The following FRAS1 variants were observed in gnomAD, a reference collection of about 807,000 sequenced individuals.
FRAS1 encodes the protein extracellular matrix organizing protein FRAS1.
A neutral mutation model predicts 435.2 loss-of-function variants in FRAS1; 290 were observed. The observed-to-expected ratio is 0.67, with a 90% CI of 0.61 to 0.73. FRAS1 has a LOEUF of 0.73. FRAS1 is among the 30% of genes least tolerant of loss of function. The pLI is 0.00. For synonymous variants in FRAS1, 1,800 were observed against 1,851.0 expected (o/e 0.97, Z 0.71); for missense variants, 4,860 against 5,001.5 (o/e 0.97, Z 0.85).
At chr4:78,128,550 T>C (rs1719505034) in intron 2 of FRAS1, among the ~76,000 whole-genome samples, 1 of 152,234 alleles carries the variant, frequency 6.6e-6, no homozygotes, top group South Asian at 2.1e-4. Flanking sequence ...ATAAATGTCT[T>C]CTTTTTGAGA....
chr4:78,198,912 A>G (rs1722935986), intron 2 of FRAS1, among the ~76,000 whole-genome samples: 1 of 152,210 alleles, frequency 6.6e-6, no homozygotes, highest in Non-Finnish European at 1.5e-5. Flanking sequence ...TACATATAAC[A>G]TACAAAACAT....
At position 78,511,355 on chromosome 4, in the gene FRAS1, AC is replaced by A. The variant is rs1721031905; in HGVS notation, c.9867del (p.Leu3290Ter). On this transcript the variant is annotated frameshift_variant, in exon 64 of 74. Coordinates refer to ENST00000512123, the MANE Select transcript of FRAS1 (RefSeq NM_025074.7). LOFTEE classifies it high-confidence loss of function. The part of the protein sequence containing the change: ...KAVDKVGHVG[T>X]PLRSNIVTIG... ...TGTGGACAAGGTGGGCCATGTGGGG[AC>A]CCCCTTAAGGAGCAACATTGTTACC... 1 of 1,613,276 alleles carries A rather than the reference AC, an allele frequency of 6.2e-7. No individual in the cohort carries two copies. The highest frequency in any genetic ancestry group is 8.5e-7 in the Non-Finnish European group (1 of 1,179,724).
At chr4:78,333,523 G>A (rs1730030054) in intron 19 of FRAS1, 111 bp downstream of exon 19, 3 of 1,138,360 alleles carry the variant, frequency 2.6e-6, no homozygotes, top group African/African-American at 1.6e-5. Flanking sequence ...AGATTCAGCT[G>A]TAAATCCTTG....
intron 2 of FRAS1, among the ~76,000 whole-genome samples, chr4:78,115,368 C>G (rs1484630208): frequency 6.6e-6 from 1 of 152,102 alleles, no homozygotes; most frequent in Non-Finnish European, 1.5e-5. Context: ...AGGATTTCCT[C>G]TTTTTCTATT....
intron 20 of FRAS1, among the ~76,000 whole-genome samples, chr4:78,342,203 A>G (rs1314952910): frequency 6.6e-6 from 1 of 152,172 alleles, no homozygotes; most frequent in Non-Finnish European, 1.5e-5. Context: ...CCAGGGTGGT[A>G]GGGTTTCCTC....
At chr4:78,392,981 G>C (rs773153203) in intron 29 of FRAS1, among the ~76,000 whole-genome samples, 3 of 148,302 alleles carry the variant, frequency 2.0e-5, no homozygotes, top group Non-Finnish European at 4.5e-5. Flanking sequence ...TGTTCATCAT[G>C]ATGAGTGGGA....
chr4:78,365,686 G>A (rs1731236104), intron 22 of FRAS1, among the ~76,000 whole-genome samples: 1 of 147,092 alleles, frequency 6.8e-6, no homozygotes. Flanking sequence ...ATTTCATTCT[G>A]AGATTGAAAA....
intron 24 of FRAS1, among the ~76,000 whole-genome samples, chr4:78,373,894 A>G (rs534107960): frequency 6.6e-6 from 1 of 152,304 alleles, no homozygotes; most frequent in African/African-American, 2.4e-5. Context: ...ATAGAGAAGA[A>G]CACAGGCTCA....
At chr4:78,158,734 G>A (rs916628888) in intron 2 of FRAS1, among the ~76,000 whole-genome samples, 1 of 152,098 alleles carries the variant, frequency 6.6e-6, no homozygotes, top group Non-Finnish European at 1.5e-5. Flanking sequence ...TTTGATTTCA[G>A]TTTTTTTGTA....
intron 3 of FRAS1, among the ~76,000 whole-genome samples, chr4:78,243,471 A>G (rs1382184624): frequency 6.6e-6 from 1 of 152,118 alleles, no homozygotes; most frequent in Non-Finnish European, 1.5e-5. Context: ...TGCAGCCCAC[A>G]GCTCACCAAG....
At chr4:78,154,252 A>G (rs1226506042) in intron 2 of FRAS1, among the ~76,000 whole-genome samples, 2 of 152,102 alleles carry the variant, frequency 1.3e-5, no homozygotes, top group African/African-American at 4.8e-5. Flanking sequence ...CACACAGGTA[A>G]TTTGTTACCT....
At chr4:78,387,842 T>G (rs1732282916) in intron 29 of FRAS1, 141 bp downstream of exon 29, 1 of 545,998 alleles carries the variant, frequency 1.8e-6, no homozygotes, top group South Asian at 4.8e-5. Flanking sequence ...TAGAGGGCAC[T>G]ATATATCTAG....
At chr4:78,448,881 G>A (rs113534503) in intron 44 of FRAS1, among the ~76,000 whole-genome samples, 3,941 of 152,296 alleles carry the variant, frequency 0.026, 170 homozygotes, top group African/African-American at 0.09. Context: ...ACAGTTTGCA[G>A]TAGGAAGTTA....
chr4:78,355,527 C>A (rs1419659961), intron 20 of FRAS1, among the ~76,000 whole-genome samples: 4 of 152,142 alleles, frequency 2.6e-5, no homozygotes, highest in Non-Finnish European at 5.9e-5. Context: ...GATACACGCT[C>A]CCTATTTAAA....
intron 3 of FRAS1, among the ~76,000 whole-genome samples, chr4:78,243,872 A>C (rs1413642289): frequency 6.6e-6 from 1 of 152,100 alleles, no homozygotes; most frequent in Non-Finnish European, 1.5e-5. Context: ...GACTATCAAC[A>C]CTTAGATCAT....
intron 2 of FRAS1, among the ~76,000 whole-genome samples, chr4:78,128,822 C>T (rs1008700300): frequency 2.6e-5 from 4 of 152,134 alleles, no homozygotes; most frequent in African/African-American, 9.7e-5. Context: ...GACATGAAGT[C>T]CTTGCCCATG....
chr4:78,374,258 T>C lies in FRAS1; in HGVS notation c.3151+7T>C, dbSNP rs1731665650. On this transcript the variant is annotated splice_region_variant and intron_variant, in intron 25 of 73. Coordinates refer to ENST00000512123, the MANE Select transcript of FRAS1 (RefSeq NM_025074.7). Reference sequence around the variant, plus strand: ...GCAAAGCACAAATGCACAGGTAACTTGGAGACTGCTGATTATTCTGGAAAG... The same window carrying C: ...GCAAAGCACAAATGCACAGGTAACTCGGAGACTGCTGATTATTCTGGAAAG... 6.5e-7 allele frequency: 1 copy of C among 1,550,172 alleles called. No homozygotes were observed. The highest frequency in any genetic ancestry group is 8.8e-7 in the Non-Finnish European group (1 of 1,141,006).
chr4:78,536,458 A>G (rs1323733662), intron 71 of FRAS1, among the ~76,000 whole-genome samples: 1 of 152,148 alleles, frequency 6.6e-6, no homozygotes, highest in Non-Finnish European at 1.5e-5. Flanking sequence ...TTGAGAGCAT[A>G]GTACCTTGAC....
rs373178841 is a variant in FRAS1 at position 78,450,141 on chromosome 4, C to T, written c.6275-10C>T. ...GGGGAATAACCTACTCTCTTCCGTT[C>T]TCTTCCAAGGGTCTGTAGCACGCAT... On this transcript the variant is annotated splice_polypyrimidine_tract_variant and intron_variant, in intron 44 of 73. Coordinates refer to ENST00000512123, the MANE Select transcript of FRAS1 (RefSeq NM_025074.7). The T allele has an allele frequency of 3.1e-6, 5 of 1,608,056 alleles. No individual in the cohort carries two copies. Among genetic ancestry groups the T allele is most frequent in the Admixed American group, 1.7e-5 (1 of 59,402 alleles).
Sources: allele counts gnomAD v4.1 joint callset (sites outside exome capture counted in the v4.1 genomes callset), GRCh38; gene constraint gnomAD v4.1.1; transcripts MANE v1.5; gene names NCBI Gene and HGNC (gene_info 2026-07-23, HGNC 2026-07-21).